CAMSAP1: variants seen among roughly 807,000 people sequenced by gnomAD.
CAMSAP1 encodes the protein calmodulin-regulated spectrin-associated protein 1.
CAMSAP1 carries 58 observed loss-of-function variants against 143.5 expected under a neutral mutation model. The ratio of observed to expected loss-of-function variants is 0.40; its 90% CI spans 0.33 to 0.50. CAMSAP1 has a LOEUF of 0.50. Among genes scored for constraint, CAMSAP1 ranks in the 20% least tolerant of loss-of-function variants. The pLI is 0.45. For missense variants in CAMSAP1, 1,969 were observed against 2,115.7 expected (o/e 0.93, Z 1.36); for synonymous variants, 945 against 859.3 (o/e 1.10, Z -1.74).
chr9:135,866,056 C>A (rs1467870176), intron 4 of CAMSAP1, among the ~76,000 whole-genome samples: 1 of 152,234 alleles, frequency 6.6e-6, no homozygotes, highest in Middle Eastern at 3.2e-3. Flanking sequence ...CACAGGCACA[C>A]AGGTACACCA....
At chr9:135,895,645 G>A (rs1172271892) in intron 1 of CAMSAP1, among the ~76,000 whole-genome samples, 1 of 152,142 alleles carries the variant, frequency 6.6e-6, no homozygotes, top group African/African-American at 2.4e-5. Context: ...CATGAGTAAT[G>A]AGTAAATACA....
Position 135,826,898 on chromosome 9 carries a change from A to C in CAMSAP1, c.1223+509T>G, listed in dbSNP as rs1392247601. 2.0e-5 allele frequency among the ~76,000 whole-genome samples: 3 copies of C among 152,188 alleles called. No individual in the cohort carries two copies. Among genetic ancestry groups the C allele is most frequent in the Non-Finnish European group, 2.9e-5 (2 of 68,030 alleles). ...TCATGATGAAAATTCATTTTAGAAA[A>C]AACGTTTTTTAAACAACTCTTTTTC... On this transcript the variant is annotated intron_variant, in intron 8 of 16. Coordinates refer to ENST00000389532, the MANE Select transcript of CAMSAP1 (RefSeq NM_015447.4). This position sits in a 1 kb window ranked among gnomAD's most constrained non-coding sequence, Gnocchi z 4.4.
Position 135,817,980 on chromosome 9 carries a change from TGA to T in CAMSAP1, c.4266_4267del (p.Gln1423AlafsTer14). ...GCGGCCGTCTCAGGCCCCTTACCGC[TGA>T]GAGGGTGTGCCCCCGGAATGAACGC... On this transcript the variant is annotated frameshift_variant, in exon 14 of 17. Coordinates refer to ENST00000389532, the MANE Select transcript of CAMSAP1 (RefSeq NM_015447.4). LOFTEE classifies it high-confidence loss of function. The T allele has an allele frequency of 1.9e-6, 3 of 1,613,788 alleles. No homozygotes were observed. Among genetic ancestry groups the T allele is most frequent in the Non-Finnish European group, 2.5e-6 (3 of 1,179,842 alleles).
intron 5 of CAMSAP1, among the ~76,000 whole-genome samples, chr9:135,859,361 G>A (rs1361689913): frequency 6.6e-6 from 1 of 152,128 alleles, no homozygotes; most frequent in Non-Finnish European, 1.5e-5. Context: ...TCAGCAATGT[G>A]GCTCTGTCCA....
intron 10 of CAMSAP1, 127 bp downstream of exon 10, chr9:135,823,823 T>C (rs1324059724): frequency 2.9e-6 from 2 of 701,574 alleles, no homozygotes; most frequent in African/African-American, 1.8e-5. Context: ...ATAAAAATAA[T>C]TCTGATTTCA....
rs1395374803 is a variant in CAMSAP1 at position 135,821,960 on chromosome 9, C to A, written c.2701G>T (p.Ala901Ser). 1.2e-6 allele frequency: 2 copies of A among 1,612,594 alleles called. No individual in the cohort carries two copies. The highest frequency in any genetic ancestry group is 1.7e-6 in the Non-Finnish European group (2 of 1,179,490). The change falls in exon 11 of 17, where the codon GCG (alanine) becomes TCG (serine). Residue 901 changes from alanine (A) to serine (S), a missense_variant. Physicochemically the swap from Ala to Ser is moderately conservative, Grantham distance 99. Coordinates refer to ENST00000389532, the MANE Select transcript of CAMSAP1 (RefSeq NM_015447.4). This position sits in a 1 kb window ranked among gnomAD's most constrained non-coding sequence, Gnocchi z 4.6. ...AIEAQKKKME[A>S]LSARQRLKLG... ...TTCAGGCGCTGCCTTGCCGACAGCG[C>A]CTCCATCTTCTTCTTCTGGGCCTCG...
intron 7 of CAMSAP1, among the ~76,000 whole-genome samples, chr9:135,831,246 A>G (rs947755615): frequency 1.3e-5 from 2 of 152,366 alleles, no homozygotes; most frequent in East Asian, 3.9e-4. Flanking sequence ...GCTACCATTG[A>G]GTAAAAAAGG....
In CAMSAP1 at chr9:135,844,884, C is replaced by T. The variant is rs530036492; in HGVS notation, c.1045+5253G>A. Among the ~76,000 whole-genome samples the T allele has an allele frequency of 5.3e-5, 8 of 152,204 alleles. No homozygotes were observed. In the South Asian group the frequency reaches 1.7e-3, roughly 32 times the overall value. ...AAATTAAGGCAGTAATTAACAGCCT[C>T]CCAACCGAAAAAAGCCCAGGAACAG... On this transcript the variant is annotated intron_variant, in intron 7 of 16. Coordinates refer to ENST00000389532, the MANE Select transcript of CAMSAP1 (RefSeq NM_015447.4).
In CAMSAP1 at chr9:135,809,882, A is replaced by G. The variant is rs1457276847; in HGVS notation, c.*1427T>C. On this transcript the variant is annotated 3_prime_UTR_variant, in exon 17 of 17. Transcript: ENST00000389532. ...ATAATTCCTTCTAGCCTTCTGTACCATGTTCCCTCCTTATGTACACGACTC... is the reference window on the plus strand; with the variant it reads ...ATAATTCCTTCTAGCCTTCTGTACCGTGTTCCCTCCTTATGTACACGACTC... 6.6e-6 allele frequency: 1 copy of G among 152,616 alleles called. No homozygotes were observed. The highest frequency in any genetic ancestry group is 1.5e-5 in the Non-Finnish European group (1 of 68,038). 9.5% of individuals were successfully genotyped at this position (152,616 alleles called of 1,614,324 possible).
intron 1 of CAMSAP1, among the ~76,000 whole-genome samples, chr9:135,900,861 T>G (rs546902370): frequency 1.3e-5 from 2 of 152,178 alleles, no homozygotes; most frequent in South Asian, 4.1e-4. Flanking sequence ...TTTAAGCGAT[T>G]CGTCTGCCTC....
At position 135,821,258 on chromosome 9, in the gene CAMSAP1, G is replaced by T. The variant is rs974270840; in HGVS notation, c.3403C>A (p.Pro1135Thr). 2.5e-6 allele frequency: 4 copies of T among 1,608,916 alleles called. No homozygotes were observed. The East Asian group carries it at 8.9e-5, about 36-fold the overall frequency. The change falls in exon 11 of 17, where the codon CCC becomes ACC. Residue 1135 changes from proline to threonine, a missense_variant. This residue lies in a region of CAMSAP1 where 1,390 missense variants were observed against 1,420.8 expected (regional missense o/e 0.98). Transcript: ENST00000389532. The surrounding 1 kb of genome is among the most constrained non-coding windows in gnomAD (Gnocchi z 4.6). ...CGAGGGTGGCTGCTGGCAGGGAAGG[G>T]TCTCAAGTGCGGGAGCGTCTCTACA... ...PSVETLPHLR[P>T]FPASSHPRTP... is the part of the protein sequence containing the mutation.
Position 135,867,490 on chromosome 9 carries a change from A to T in CAMSAP1, c.586-954T>A, listed in dbSNP as rs780373958. Among the ~76,000 whole-genome samples, 625 of 106,194 alleles carry T rather than the reference A, an allele frequency of 5.9e-3. 9 individuals carry two copies. The highest frequency in any genetic ancestry group is 0.013 in the African/African-American group (342 of 26,500). The allele number at this position is 106,194 out of a possible 152,430, so 69.7% of individuals were successfully genotyped here. On this transcript the variant is annotated intron_variant, in intron 3 of 16. Transcript: ENST00000389532. ...CAAGACCCCCCTCTTTTTTTTTTTT[A>T]AAAAAAAAGTCTGTAAAGCTAATCA...
At chr9:135,901,483 T>G (rs1838615824) in intron 1 of CAMSAP1, among the ~76,000 whole-genome samples, 1 of 152,054 alleles carries the variant, frequency 6.6e-6, no homozygotes, top group Admixed American at 6.6e-5. Flanking sequence ...AGGCCTGTGG[T>G]CCTAGCTGTG....
intron 4 of CAMSAP1, among the ~76,000 whole-genome samples, chr9:135,864,371 G>T (rs976510824): frequency 2.6e-5 from 4 of 152,172 alleles, no homozygotes; most frequent in Admixed American, 6.5e-5. Context: ...TTCAAGAGAG[G>T]CAAAATGATC....
chr9:135,850,116 T>C, intron 7 of CAMSAP1, 21 bp downstream of exon 7: 1 of 1,585,490 alleles, frequency 6.3e-7, no homozygotes, highest in Non-Finnish European at 8.6e-7. Context: ...ATTGCCAACC[T>C]GGGGAATATC....
chr9:135,879,007 T>A (rs1837843480), intron 3 of CAMSAP1, among the ~76,000 whole-genome samples: 1 of 152,118 alleles, frequency 6.6e-6, no homozygotes, highest in African/African-American at 2.4e-5. Context: ...GAACATGAGT[T>A]GTGAAAATGG....
chr9:135,865,595 A>G (rs1837346998), intron 4 of CAMSAP1, among the ~76,000 whole-genome samples: 3 of 152,244 alleles, frequency 2.0e-5, no homozygotes, highest in Admixed American at 6.5e-5. Context: ...AGTAGCAAAG[A>G]AAACTTCGGA....
Position 135,818,597 on chromosome 9 carries a change from G to A in CAMSAP1, c.3979C>T (p.Arg1327Trp). The part of the protein sequence containing the change: ...DEARRKAEED[R>W]VRKEEEKARR... ...GCCTTCTCCTCCTCCTTCCGCACCC[G>A]GTCTTCCTCAGCTTTGCGCCTGAGA... The change falls in exon 13 of 17, where the codon CGG becomes TGG. Residue 1327 changes from arginine (R) to tryptophan (W), a missense_variant. Around this residue, in one of 4 missense-constraint regions of CAMSAP1, gnomAD observed 1,390 missense variants for 1,420.8 expected, o/e 0.98. Transcript: ENST00000389532. This position sits in a 1 kb window ranked among gnomAD's most constrained non-coding sequence, Gnocchi z 7.7. 1.2e-6 allele frequency: 2 copies of A among 1,613,214 alleles called. No individual in the cohort carries two copies. The highest frequency in any genetic ancestry group is 1.7e-6 in the Non-Finnish European group (2 of 1,179,802).
intron 1 of CAMSAP1, among the ~76,000 whole-genome samples, chr9:135,895,512 A>G (rs62585187): frequency 0.14 from 21,652 of 152,232 alleles, 1,718 homozygotes; most frequent in Non-Finnish European, 0.18. Context: ...AAGAGGAAAT[A>G]AAGATGTTTT....
Sources: allele counts gnomAD v4.1 joint callset (sites outside exome capture counted in the v4.1 genomes callset), GRCh38; gene constraint gnomAD v4.1.1; regional missense constraint gnomAD v4.1.1; non-coding constraint Gnocchi (gnomAD v3.1); transcripts MANE v1.5; gene names NCBI Gene and HGNC (gene_info 2026-07-23, HGNC 2026-07-21).